Variants in PDE3B observed in about 807,000 individuals in gnomAD.
The protein encoded by PDE3B is phosphodiesterase 3B.
Under a neutral mutation model 116.8 loss-of-function variants are expected in PDE3B, and 66 were observed. The observed-to-expected ratio is 0.56, with a 90% CI of 0.46 to 0.69. PDE3B has a LOEUF of 0.69. Ranked by LOEUF, PDE3B falls within the 30% of genes least tolerant of loss-of-function variation. The probability of loss-of-function intolerance (pLI) is 0.00; values close to 1 mark genes in which losing one functional copy is unlikely to be tolerated. For missense variants in PDE3B, 1,384 were observed against 1,368.1 expected (o/e 1.01, Z -0.18); for synonymous variants, 595 against 533.6 (o/e 1.12, Z -1.59).
At chr11:14,667,438 A>AATAAT (rs1160997321) in intron 1 of PDE3B, among the ~76,000 whole-genome samples, 1 of 150,942 alleles carries the variant, frequency 6.6e-6, no homozygotes, top group Non-Finnish European at 1.5e-5. Context: ...GTATAATAAT[A>AATAAT]ATAATAAAAT....
rs545548375 is a variant in PDE3B, at chr11:14,871,291, A to G, written c.*1631A>G. 6.6e-6 allele frequency: 1 copy of G among 152,258 alleles called. No homozygotes were observed. Among genetic ancestry groups the G allele is most frequent in the Middle Eastern group, 3.4e-3 (1 of 294 alleles). The allele number at this position is 152,258 out of a possible 1,614,324, so 9.4% of individuals were successfully genotyped here. A position where few individuals can be genotyped will look rare whatever the true frequency, so the allele number is the denominator to read the frequency against. Reference sequence around the variant, plus strand: ...AGTGAGTGCTGAGTTCCTTGCTGCCACTTTTGTTACCATTGTCACACACTA... The same window carrying G: ...AGTGAGTGCTGAGTTCCTTGCTGCCGCTTTTGTTACCATTGTCACACACTA... On this transcript the variant is annotated 3_prime_UTR_variant, in exon 16 of 16. Coordinates refer to ENST00000282096, the MANE Select transcript of PDE3B (RefSeq NM_000922.4).
chr11:14,818,737 T>G (rs1292073558), intron 6 of PDE3B, among the ~76,000 whole-genome samples: 1 of 152,074 alleles, frequency 6.6e-6, no homozygotes, highest in Non-Finnish European at 1.5e-5. Context: ...CTCATTTTAG[T>G]GGTTATTAAT....
chr11:14,866,187 A>G (rs1311511032), intron 14 of PDE3B, among the ~76,000 whole-genome samples: 1 of 152,194 alleles, frequency 6.6e-6, no homozygotes, highest in Non-Finnish European at 1.5e-5. Flanking sequence ...GTTAACTATT[A>G]TAATTTCATA....
chr11:14,644,459 C>A lies in PDE3B; in HGVS notation c.384C>A (p.Ala128=). ...GCCCCCTCTTCAGCATCGCCTGTGC[C>A]TTCTTCTTCCTCACCTGCTTCCTCA... ...SLSPLFSIAC[A]FFFLTCFLTR... Residue 128 remains alanine, a synonymous_variant, in exon 1 of 16, where the codon GCC becomes GCA. Transcript: ENST00000282096. 6.2e-7 allele frequency: 1 copy of A among 1,613,032 alleles called. No homozygotes were observed. Among genetic ancestry groups the A allele is most frequent in the Non-Finnish European group, 8.5e-7 (1 of 1,179,596 alleles).
intron 1 of PDE3B, among the ~76,000 whole-genome samples, chr11:14,722,181 GA>G (rs1856132906): frequency 6.8e-6 from 1 of 147,744 alleles, no homozygotes. Context: ...ACGGGGGAGG[GA>G]ATAGCATTAG....
At chr11:14,889,164 G>GT in the PDE3B span, among the ~76,000 whole-genome samples, 55,765 of 140,036 alleles carry the variant, frequency 0.4, 11,645 homozygotes, top group South Asian at 0.5. Context: ...AAGTCCAGTT[G>GT]TTTTTTTTTT....
At chr11:14,747,093 T>G (rs1248609952) in intron 1 of PDE3B, among the ~76,000 whole-genome samples, 1 of 151,992 alleles carries the variant, frequency 6.6e-6, no homozygotes, top group African/African-American at 2.4e-5. Flanking sequence ...AGAGCAAGGG[T>G]TGGGGGAGGT....
At chr11:14,668,333 C>G (rs542113963) in intron 1 of PDE3B, among the ~76,000 whole-genome samples, 1 of 152,186 alleles carries the variant, frequency 6.6e-6, no homozygotes, top group East Asian at 1.9e-4. Flanking sequence ...TTGGTTCTTT[C>G]TCTCAAAATC....
chr11:14,737,936 A>G (rs1856648764), intron 1 of PDE3B, among the ~76,000 whole-genome samples: 1 of 152,094 alleles, frequency 6.6e-6, no homozygotes, highest in South Asian at 2.1e-4. Flanking sequence ...TGTGCCTGCA[A>G]AGGACATGAA....
chr11:14,816,686 G>A (rs1300771689), intron 5 of PDE3B, among the ~76,000 whole-genome samples: 3 of 152,182 alleles, frequency 2.0e-5, no homozygotes, highest in African/African-American at 7.2e-5. Flanking sequence ...CCAGCATATA[G>A]TAAGCTCTAA....
At chr11:14,749,216 T>C (rs932150526) in intron 1 of PDE3B, among the ~76,000 whole-genome samples, 1 of 151,536 alleles carries the variant, frequency 6.6e-6, no homozygotes. Flanking sequence ...TGTATAAAAC[T>C]TTTTTTTTAA....
At chr11:14,782,761 G>A (rs1590140407) in intron 2 of PDE3B, among the ~76,000 whole-genome samples, 2 of 152,060 alleles carry the variant, frequency 1.3e-5, no homozygotes, top group African/African-American at 4.8e-5. Context: ...TTGACAAATG[G>A]GATCTAATTA....
At chr11:14,685,144 A>G (rs2133799046) in intron 1 of PDE3B, among the ~76,000 whole-genome samples, 1 of 152,250 alleles carries the variant, frequency 6.6e-6, no homozygotes, top group South Asian at 2.1e-4. Flanking sequence ...ATGTTCAGAG[A>G]TTGCAGTAAA....
chr11:14,889,450 G>C, the PDE3B span, among the ~76,000 whole-genome samples: 5 of 152,256 alleles, frequency 3.3e-5, no homozygotes, highest in East Asian at 9.7e-4. Flanking sequence ...TATGTTTGGT[G>C]GTTATCAACT....
Position 14,858,123 on chromosome 11 carries a change from A to G in PDE3B, c.2521-920A>G, listed in dbSNP as rs533705200. Among the ~76,000 whole-genome samples, 40 of 152,342 alleles carry G rather than the reference A, an allele frequency of 2.6e-4. No homozygotes were observed. In the South Asian group the frequency reaches 7.9e-3, roughly 30 times the overall value. On this transcript the variant is annotated intron_variant, in intron 12 of 15. Coordinates refer to ENST00000282096, the MANE Select transcript of PDE3B (RefSeq NM_000922.4). The stretch of plus-strand genomic sequence containing the variant: ...AGGCTATAGCTAATTTTCACAAATA[A>G]GTAGAGCTATTCAATTAAGCTCTCA...
intron 6 of PDE3B, 85 bp downstream of exon 6, chr11:14,818,478 C>CCTA: frequency 1.2e-6 from 1 of 842,492 alleles, no homozygotes; most frequent in Non-Finnish European, 1.9e-6. Flanking sequence ...TTCTTGGAAA[C>CCTA]TCCAGCTTTA....
intron 1 of PDE3B, among the ~76,000 whole-genome samples, chr11:14,744,703 G>A (rs1019627492): frequency 6.6e-6 from 1 of 152,200 alleles, no homozygotes; most frequent in African/African-American, 2.4e-5. Context: ...AAGGAAATGA[G>A]ATAGGGAAGC....
At chr11:14,792,060 A>G (rs1858405999) in intron 4 of PDE3B, among the ~76,000 whole-genome samples, 1 of 152,064 alleles carries the variant, frequency 6.6e-6, no homozygotes, top group Non-Finnish European at 1.5e-5. Flanking sequence ...CTGACTATGT[A>G]TAGTTTGTCT....
At chr11:14,757,014 C>G (rs1647896798) in intron 1 of PDE3B, among the ~76,000 whole-genome samples, 1 of 143,892 alleles carries the variant, frequency 6.9e-6, no homozygotes, top group Admixed American at 7.3e-5. Flanking sequence ...CATGTGATCT[C>G]ATTGTTCAAT....
Sources: gnomAD v4.1 joint callset for allele counts (sites outside exome capture counted in the v4.1 genomes callset) on GRCh38, gnomAD v4.1.1 for gene constraint, MANE v1.5 for transcripts, NCBI Gene and HGNC (gene_info 2026-07-23, HGNC 2026-07-21) for gene names.